Variants in DMD observed in about 807,000 individuals in gnomAD.
DMD encodes mutant dystrophin.
Under a neutral mutation model 330.1 loss-of-function variants are expected in DMD, and 63 were observed. That is an observed-to-expected ratio of 0.19 (90% CI 0.16 to 0.24). DMD has a LOEUF of 0.24. DMD is among the 10% of genes least tolerant of loss of function. The probability of loss-of-function intolerance (pLI) is 1.00; values close to 1 mark genes in which losing one functional copy is unlikely to be tolerated. For missense variants in DMD, 3,344 were observed against 2,684.1 expected (o/e 1.25, Z -5.43); for synonymous variants, 1,223 against 959.8 (o/e 1.27, Z -5.07).
intron 55 of DMD, among the ~76,000 whole-genome samples, chrX:31,619,342 G>GA (rs1485513863): frequency 2.7e-4 from 30 of 110,743 alleles, no homozygotes; most frequent in African/African-American, 9.5e-4. Context: ...GATCAAATTA[G>GA]AAAATGACAG....
chrX:31,349,792 A>G (rs2058291196), intron 60 of DMD, among the ~76,000 whole-genome samples: 1 of 112,025 alleles, frequency 8.9e-6, no homozygotes, highest in Admixed American at 9.4e-5. Context: ...TGAACAGTCC[A>G]TGCTAAACTA....
intron 44 of DMD, among the ~76,000 whole-genome samples, chrX:32,044,825 G>A (rs191023042): frequency 3.1e-4 from 35 of 111,966 alleles, no homozygotes; most frequent in African/African-American, 1.0e-3. Flanking sequence ...TCTTGTGTTC[G>A]TATTCAATAA....
intron 44 of DMD, among the ~76,000 whole-genome samples, chrX:32,021,879 G>A (rs1437314297): frequency 4.5e-5 from 5 of 111,095 alleles, no homozygotes; most frequent in East Asian, 2.8e-4. Context: ...AACACTCCCT[G>A]TAAACGTTTA....
At chrX:32,908,607 T>C (rs1321785139) in intron 2 of DMD, among the ~76,000 whole-genome samples, 1 of 111,893 alleles carries the variant, frequency 8.9e-6, no homozygotes, top group Non-Finnish European at 1.9e-5. Flanking sequence ...CTAAGCAGTC[T>C]GTCTTTAGCA....
chrX:32,185,231 G>A (rs1238647153), intron 44 of DMD, among the ~76,000 whole-genome samples: 1 of 111,389 alleles, frequency 9.0e-6, no homozygotes, highest in East Asian at 2.8e-4. Flanking sequence ...AGCAAAAGAT[G>A]TCAGGAGCAA....
At chrX:31,200,566 C>T (rs2043334137) in intron 67 of DMD, among the ~76,000 whole-genome samples, 1 of 111,681 alleles carries the variant, frequency 9.0e-6, no homozygotes, top group Non-Finnish European at 1.9e-5. Context: ...ATAATAGGTA[C>T]AAATGGTAAG....
At chrX:33,100,622 C>T (rs1440451051) in intron 1 of DMD, among the ~76,000 whole-genome samples, 1 of 111,133 alleles carries the variant, frequency 9.0e-6, no homozygotes, top group East Asian at 2.8e-4. Context: ...ACCCAGGAGG[C>T]GGAGATTGCA....
At chrX:32,703,092 T>C (rs2064281847) in intron 7 of DMD, among the ~76,000 whole-genome samples, 1 of 111,480 alleles carries the variant, frequency 9.0e-6, no homozygotes, top group Admixed American at 9.6e-5. Flanking sequence ...TTCACTTCAA[T>C]GAAGATAATT....
chrX:32,701,815 T>C (rs1309894805), intron 7 of DMD, among the ~76,000 whole-genome samples: 1 of 111,791 alleles, frequency 8.9e-6, no homozygotes, highest in Non-Finnish European at 1.9e-5. Flanking sequence ...ATTATTTTTA[T>C]TGCCCCCCAA....
intron 60 of DMD, among the ~76,000 whole-genome samples, chrX:31,427,307 G>A (rs1374587373): frequency 9.0e-6 from 1 of 111,076 alleles, no homozygotes; most frequent in African/African-American, 3.3e-5. Flanking sequence ...CATTGCTCGA[G>A]TCTAAGCTCA....
intron 51 of DMD, among the ~76,000 whole-genome samples, chrX:31,733,130 G>C (rs1192253230): frequency 9.0e-6 from 1 of 110,908 alleles, no homozygotes; most frequent in African/African-American, 3.3e-5. Flanking sequence ...AGCAAAGATG[G>C]AGGAAAAAAA....
At chrX:33,102,151 G>A (rs889675233) in intron 1 of DMD, among the ~76,000 whole-genome samples, 2 of 111,408 alleles carry the variant, frequency 1.8e-5, no homozygotes, top group African/African-American at 6.5e-5. Flanking sequence ...TTTGTTGTTT[G>A]CCACAATAGA....
At position 32,514,467 on chromosome X, in the gene DMD, C is replaced by G. The variant is rs1271041900; in HGVS notation, c.2292+3541G>C. Among the ~76,000 whole-genome samples the G allele has an allele frequency of 8.9e-5, 10 of 112,058 alleles. No homozygotes were observed. The Admixed American group carries it at 9.4e-4, about 11-fold the overall frequency. On this transcript the variant is annotated intron_variant, in intron 18 of 78. Coordinates refer to ENST00000357033, the MANE Select transcript of DMD (RefSeq NM_004006.3). ...GTTAAAATATGTTGTTAGTGCCGGG[C>G]GCGGTGGCTCACGCCTGTAATCCCA...
At chrX:31,209,419 A>G in intron 65 of DMD, 79 bp downstream of exon 65, 2 of 980,513 alleles carry the variant, frequency 2.0e-6, no homozygotes, top group South Asian at 1.9e-5. Flanking sequence ...GCCCTGTTGT[A>G]ATGCTAATTA....
chrX:31,307,946 T>C (rs2055172905), intron 62 of DMD, among the ~76,000 whole-genome samples: 1 of 111,475 alleles, frequency 9.0e-6, no homozygotes, highest in Non-Finnish European at 1.9e-5. Flanking sequence ...GGCGGGGGTA[T>C]GGTTTCGAGA....
At chrX:33,076,229 C>T (rs981370161) in intron 1 of DMD, among the ~76,000 whole-genome samples, 3 of 111,309 alleles carry the variant, frequency 2.7e-5, no homozygotes, top group Admixed American at 9.6e-5. Context: ...CTGCTCCCCA[C>T]CCACCAAATT....
At chrX:31,522,006 C>A (rs1410282109) in intron 55 of DMD, among the ~76,000 whole-genome samples, 1 of 110,746 alleles carries the variant, frequency 9.0e-6, no homozygotes, top group Non-Finnish European at 1.9e-5. Flanking sequence ...CTGAAAAAGT[C>A]TTAAGCAAAT....
At chrX:31,403,016 C>T (rs768061812) in intron 60 of DMD, among the ~76,000 whole-genome samples, 3 of 111,316 alleles carry the variant, frequency 2.7e-5, no homozygotes, top group East Asian at 2.8e-4. Context: ...TCTCTCATGC[C>T]TCCTAGTACA....
intron 11 of DMD, among the ~76,000 whole-genome samples, chrX:32,631,668 A>T (rs1178102115): frequency 9.0e-6 from 1 of 111,334 alleles, no homozygotes; most frequent in Admixed American, 9.5e-5. Context: ...CAGTCATGTC[A>T]CACGGCCAGG....
Sources: allele counts gnomAD v4.1 joint callset (sites outside exome capture counted in the v4.1 genomes callset), GRCh38; gene constraint gnomAD v4.1.1; transcripts MANE v1.5; gene names NCBI Gene and HGNC (gene_info 2026-07-23, HGNC 2026-07-21).